The following EPHA5 variants were observed in gnomAD, a reference collection of about 807,000 sequenced individuals.
The protein encoded by EPHA5 is ephrin type-A receptor 5.
In EPHA5, 60 loss-of-function variants were observed where a neutral mutation model predicts 105.0. The observed-to-expected ratio is 0.57, with a 90% confidence interval of 0.46 to 0.71. EPHA5 has a LOEUF of 0.71. EPHA5 is among the 30% of genes least tolerant of loss of function. EPHA5 has a pLI of 0.00. For missense variants in EPHA5, 1,218 were observed against 1,274.7 expected (o/e 0.96, Z 0.68); for synonymous variants, 513 against 449.1 (o/e 1.14, Z -1.80).
intron 14 of EPHA5, 50 bp from the exon 15 acceptor site, chr4:65,336,175 A>T: frequency 6.9e-7 from 1 of 1,448,786 alleles, no homozygotes; most frequent in Non-Finnish European, 9.2e-7. Flanking sequence ...AATTTAGTAT[A>T]GAATAGCTTT....
chr4:65,394,792 C>T (rs534313778), intron 8 of EPHA5, among the ~76,000 whole-genome samples: 4 of 151,956 alleles, frequency 2.6e-5, no homozygotes, highest in African/African-American at 9.7e-5. Flanking sequence ...CTTGTAAAAC[C>T]TTTAGAACAT....
intron 5 of EPHA5, among the ~76,000 whole-genome samples, chr4:65,431,781 A>C (rs1380282325): frequency 6.6e-6 from 1 of 152,134 alleles, no homozygotes; most frequent in Non-Finnish European, 1.5e-5. Context: ...ATTCCTCTGA[A>C]AATCCATGTA....
chr4:65,599,368 C>CACACACAA (rs1299782024), intron 3 of EPHA5, among the ~76,000 whole-genome samples: 5 of 151,848 alleles, frequency 3.3e-5, no homozygotes, highest in African/African-American at 9.7e-5. Flanking sequence ...CACACACACA[C>CACACACAA]ACACACACTC....
At chr4:65,422,173 G>A (rs1305929532) in intron 5 of EPHA5, among the ~76,000 whole-genome samples, 1 of 152,082 alleles carries the variant, frequency 6.6e-6, no homozygotes, top group African/African-American at 2.4e-5. Context: ...GGTTTAGAAT[G>A]AGGGGAGAAG....
intron 3 of EPHA5, among the ~76,000 whole-genome samples, chr4:65,549,937 A>C (rs1466483498): frequency 4.6e-5 from 7 of 152,122 alleles, no homozygotes; most frequent in African/African-American, 1.4e-4. Context: ...AAGGCCCAAA[A>C]GCACACTTTA....
intron 7 of EPHA5, among the ~76,000 whole-genome samples, chr4:65,406,389 G>T (rs1722358037): frequency 6.6e-6 from 1 of 152,058 alleles, no homozygotes. Flanking sequence ...GTTTGACTTA[G>T]CTAAACGTAT....
At chr4:65,499,628 T>A (rs949524620) in intron 3 of EPHA5, among the ~76,000 whole-genome samples, 1 of 151,482 alleles carries the variant, frequency 6.6e-6, no homozygotes, top group African/African-American at 2.4e-5. Flanking sequence ...CTCCAGATAT[T>A]TTCATTACAA....
chr4:65,596,034 G>A (rs561679479), intron 3 of EPHA5, among the ~76,000 whole-genome samples: 1 of 152,306 alleles, frequency 6.6e-6, no homozygotes, highest in African/African-American at 2.4e-5. Flanking sequence ...ACTAGGGCAT[G>A]CTGCCTCTTA....
chr4:65,331,942 T>G (rs1720658823), intron 16 of EPHA5, 31 bp downstream of exon 16: 1 of 1,571,238 alleles, frequency 6.4e-7, no homozygotes, highest in African/African-American at 1.4e-5. Flanking sequence ...GCCCCAGCAA[T>G]TATGTAAAAA....
chr4:65,382,612 T>C (rs1270250512), intron 8 of EPHA5, among the ~76,000 whole-genome samples: 1 of 151,830 alleles, frequency 6.6e-6, no homozygotes, highest in Non-Finnish European at 1.5e-5. Context: ...AGAAATTACA[T>C]AACAACAGTT....
chr4:65,333,466 A>G (rs968090179), intron 15 of EPHA5, among the ~76,000 whole-genome samples: 4 of 148,692 alleles, frequency 2.7e-5, no homozygotes, highest in Admixed American at 2.7e-4. Context: ...CTCCCACCTT[A>G]CTCTTGAAAT....
intron 5 of EPHA5, among the ~76,000 whole-genome samples, chr4:65,451,731 G>A (rs1727087356): frequency 2.0e-5 from 3 of 151,954 alleles, no homozygotes; most frequent in African/African-American, 7.2e-5. Context: ...ACCTAAATAG[G>A]CCTAATGTTG....
rs1722651287 is a variant in EPHA5, at chr4:65,409,032, C to T, written c.1688-4553G>A. On this transcript the variant is annotated intron_variant, in intron 7 of 16. Transcript: ENST00000613740. ...CCATAAAAAAAGGATGAGTTCATGT[C>T]CTTTTTAGGGACATGGATGAAATTG... 2.7e-5 allele frequency among the ~76,000 whole-genome samples: 4 copies of T among 148,546 alleles called. No individual in the cohort carries two copies. The South Asian group carries it at 6.5e-4, about 24-fold the overall frequency.
intron 8 of EPHA5, among the ~76,000 whole-genome samples, chr4:65,386,080 A>G (rs1239177948): frequency 6.6e-6 from 1 of 151,940 alleles, no homozygotes; most frequent in East Asian, 1.9e-4. Flanking sequence ...AACATTTTAA[A>G]GATTTTTTTA....
intron 16 of EPHA5, 141 bp downstream of exon 16, chr4:65,331,832 G>A: frequency 7.1e-7 from 1 of 1,406,870 alleles, no homozygotes; most frequent in Non-Finnish European, 9.2e-7. Flanking sequence ...TAACAATACA[G>A]GCTAAAGATG....
intron 3 of EPHA5, among the ~76,000 whole-genome samples, chr4:65,570,133 C>T (rs553469326): frequency 6.6e-6 from 1 of 151,732 alleles, no homozygotes; most frequent in South Asian, 2.1e-4. Flanking sequence ...CAGAGAAGTT[C>T]TTCCCACTCC....
intron 8 of EPHA5, among the ~76,000 whole-genome samples, chr4:65,392,165 A>C (rs1720778913): frequency 6.6e-6 from 1 of 152,106 alleles, no homozygotes; most frequent in South Asian, 2.1e-4. Flanking sequence ...GTTATTAATA[A>C]ATTATGATGT....
intron 2 of EPHA5, among the ~76,000 whole-genome samples, chr4:65,628,269 A>T (rs76531620): frequency 0.044 from 6,726 of 152,182 alleles, 486 homozygotes; most frequent in African/African-American, 0.15. Flanking sequence ...TTGACTGCTT[A>T]TATGATACTG....
In EPHA5 at chr4:65,476,150, G is replaced by GTGTGT. The variant is rs1553922825; in HGVS notation, c.1402+14222_1402+14226dup. On this transcript the variant is annotated intron_variant, in intron 5 of 16. Coordinates refer to ENST00000613740, the MANE Select transcript of EPHA5 (RefSeq NM_001281766.3). ...AGAGTGTGTGTGTGTGTGTGTGTGT[G>GTGTGT]TGTGTGTGTTAAAATATGCAGATTA... is the stretch of plus-strand genomic sequence containing the variant. Among the ~76,000 whole-genome samples, 3 of 151,908 alleles carry GTGTGT rather than the reference G, an allele frequency of 2.0e-5. No homozygotes were observed. In the East Asian group the frequency reaches 5.8e-4, roughly 30 times the overall value.
Sources: gnomAD v4.1 joint callset for allele counts (sites outside exome capture counted in the v4.1 genomes callset) on GRCh38, gnomAD v4.1.1 for gene constraint, MANE v1.5 for transcripts, NCBI Gene and HGNC (gene_info 2026-07-23, HGNC 2026-07-21) for gene names.